Variants in TIRAP observed in about 807,000 individuals in gnomAD.
TIRAP encodes the protein toll/interleukin-1 receptor domain-containing adapter protein.
A neutral mutation model predicts 19.8 loss-of-function variants in TIRAP; 20 were observed. The ratio of observed to expected loss-of-function variants is 1.01; its 90% CI spans 0.71 to 1.47. The LOEUF is 1.47. TIRAP is among the 40% of genes most tolerant of loss of function. TIRAP has a pLI of 0.00. For synonymous variants in TIRAP, 125 were observed against 121.7 expected, an observed-to-expected ratio of 1.03 and a Z score of -0.18; for missense variants, 276 against 285.1, an observed-to-expected ratio of 0.97 and a Z score of 0.23.
chr11:126,284,097 C>T (rs1189908092), intron 1 of TIRAP, among the ~76,000 whole-genome samples: 2 of 132,914 alleles, frequency 1.5e-5, no homozygotes, highest in South Asian at 2.4e-4. Flanking sequence ...AGTGCAGTGG[C>T]GCAATCTCGG....
Position 126,291,076 on chromosome 11 carries a change from C to T in TIRAP, c.67+115C>T, listed in dbSNP as rs1373860205. The T allele has an allele frequency of 3.4e-5, 43 of 1,282,890 alleles. No homozygotes were observed. Among genetic ancestry groups the T allele is most frequent in the African/African-American group, 7.5e-5 (5 of 66,298 alleles). 79.5% of individuals were successfully genotyped at this position (1,282,890 alleles called of 1,614,324 possible). A position where few individuals can be genotyped will look rare whatever the true frequency, so the allele number is the denominator to read the frequency against. On this transcript the variant is annotated intron_variant, in intron 3 of 4. Coordinates refer to ENST00000392679, the MANE Select transcript of TIRAP (RefSeq NM_001318777.2). The surrounding 1 kb of genome is among the most constrained non-coding windows in gnomAD (Gnocchi z 5.6). ...ACTCAGAGAGACGCAGGAAGGCTGA[C>T]GTGGGGAACTCCTGACCTGAATTCA... is the stretch of plus-strand genomic sequence containing the variant.
At chr11:126,283,900 C>T (rs1951284920) in intron 1 of TIRAP, among the ~76,000 whole-genome samples, 1 of 152,172 alleles carries the variant, frequency 6.6e-6, no homozygotes. Flanking sequence ...ACAGCTCAAC[C>T]ATTTTCCACA....
chr11:126,285,243 G>GTGTGTGTGTGTATATATATA lies in TIRAP; in HGVS notation c.-217+2091_-217+2092insGTGTGTGTGTATATATATAT. Among the ~76,000 whole-genome samples, 787 of 106,940 alleles carry GTGTGTGTGTGTATATATATA rather than the reference G, an allele frequency of 7.4e-3. 5 individuals are homozygous for GTGTGTGTGTGTATATATATA. Among genetic ancestry groups the GTGTGTGTGTGTATATATATA allele is most frequent in the Admixed American group, 0.013 (129 of 10,046 alleles). 70.2% of individuals were successfully genotyped at this position (106,940 alleles called of 152,430 possible). A position where few individuals can be genotyped will look rare whatever the true frequency, so the allele number is the denominator to read the frequency against. On this transcript the variant is annotated intron_variant, in intron 1 of 4. Transcript: ENST00000392679. ...ATTTATTGGATATATGTGTGTGTGTGTATATATATATATATATAATATATA... is the reference window on the plus strand; with the variant it reads ...ATTTATTGGATATATGTGTGTGTGTGTGTGTGTGTGTATATATATATATATATATATATATATAATATATA...
Position 126,291,565 on chromosome 11 carries a change from A to G in TIRAP, c.67+604A>G, listed in dbSNP as rs751414995. The G allele has an allele frequency of 1.7e-5, 9 of 522,524 alleles. No individual in the cohort carries two copies. Among genetic ancestry groups the G allele is most frequent in the Non-Finnish European group, 2.8e-5 (8 of 287,692 alleles). The allele number at this position is 522,524 out of a possible 1,614,324, so 32.4% of individuals were successfully genotyped here. A position where few individuals can be genotyped will look rare whatever the true frequency, so the allele number is the denominator to read the frequency against. Reference sequence around the variant, plus strand: ...CAGTCAAAGCCGTGTCCCTGACTCCAGAGTGTGGGTTCTGAATCACGAAGC... The same window carrying G: ...CAGTCAAAGCCGTGTCCCTGACTCCGGAGTGTGGGTTCTGAATCACGAAGC... On this transcript the variant is annotated intron_variant, in intron 3 of 4. Coordinates refer to ENST00000392679, the MANE Select transcript of TIRAP (RefSeq NM_001318777.2). The surrounding 1 kb of genome is among the most constrained non-coding windows in gnomAD (Gnocchi z 5.6).
In TIRAP at chr11:126,293,720, A is replaced by G. The variant is rs752935097; in HGVS notation, c.*33A>G. ...TATATCATGGGACCCCGGAAATTGG[A>G]GTGAAGCTAGAAACAGAAAACCCAT... is the stretch of plus-strand genomic sequence containing the variant. On this transcript the variant is annotated 3_prime_UTR_variant, in exon 5 of 5. Transcript: ENST00000392679. The G allele has an allele frequency of 6.2e-7, 1 of 1,613,660 alleles. No homozygotes were observed. Among genetic ancestry groups the G allele is most frequent in the Non-Finnish European group, 8.5e-7 (1 of 1,179,578 alleles).
Position 126,290,890 on chromosome 11 carries a change from A to C in TIRAP, c.-5A>C. On this transcript the variant is annotated 5_prime_UTR_variant, in exon 3 of 5. Transcript: ENST00000392679. This position sits in a 1 kb window ranked among gnomAD's most constrained non-coding sequence, Gnocchi z 4.9. ...TCTCACGGGGCTAGTTTTGACCCCC[A>C]CGCTATGGCATCATCGACCTCCCTC... The C allele has an allele frequency of 6.2e-7, 1 of 1,602,932 alleles. No individual in the cohort carries two copies. Among genetic ancestry groups the C allele is most frequent in the South Asian group, 1.1e-5 (1 of 89,196 alleles).
chr11:126,293,050 T>C lies in TIRAP; in HGVS notation c.641T>C (p.Met214Thr), dbSNP rs148618551. ...GGFRQVKEAV[M>T]RYLQTLS The stretch of plus-strand genomic sequence containing the variant: ...TTTCGTCAAGTCAAAGAAGCTGTCA[T>C]GCGTTGTAAGCTACTACAGGAGGGA... Residue 214 changes from methionine (M) to threonine (T), a missense_variant, in exon 4 of 5, where the codon ATG becomes ACG. By Grantham distance (81) the Met-to-Thr change is moderately conservative. Transcript: ENST00000392679. 163 of 1,614,070 alleles carry C rather than the reference T, an allele frequency of 1.0e-4. No individual in the cohort carries two copies. Among genetic ancestry groups the C allele is most frequent in the Non-Finnish European group, 1.3e-4 (159 of 1,180,046 alleles).
intron 1 of TIRAP, among the ~76,000 whole-genome samples, chr11:126,284,262 G>A (rs1279439855): frequency 6.6e-6 from 1 of 152,066 alleles, no homozygotes; most frequent in African/African-American, 2.4e-5. Context: ...TCGAACTCCT[G>A]AACTCAGGTG....
Position 126,292,893 on chromosome 11 carries a change from C to G in TIRAP, c.484C>G (p.Leu162Val), listed in dbSNP as rs1951420601. Residue 162 changes from leucine (L) to valine (V), a missense_variant, in exon 4 of 5, where the codon CTG becomes GTG. Coordinates refer to ENST00000392679, the MANE Select transcript of TIRAP (RefSeq NM_001318777.2). ...LQDPWCKYQMLQALTEAPGAE... is the reference protein window; with the variant it reads ...LQDPWCKYQMVQALTEAPGAE... ...GGACCCCTGGTGCAAGTACCAGATG[C>G]TGCAGGCCCTGACCGAGGCTCCAGG... The G allele has an allele frequency of 6.2e-7, 1 of 1,613,636 alleles. No individual in the cohort carries two copies. The highest frequency in any genetic ancestry group is 8.5e-7 in the Non-Finnish European group (1 of 1,179,952).
chr11:126,293,051 G>A lies in TIRAP; in HGVS notation c.642G>A (p.Met214Ile). 1 of 1,614,160 alleles carries A rather than the reference G, an allele frequency of 6.2e-7. No individual in the cohort carries two copies. The highest frequency in any genetic ancestry group is 8.5e-7 in the Non-Finnish European group (1 of 1,180,034). ...TTCGTCAAGTCAAAGAAGCTGTCAT[G>A]CGTTGTAAGCTACTACAGGAGGGAG... ...GGFRQVKEAVMRYLQTLS is the reference protein window; with the variant it reads ...GGFRQVKEAVIRYLQTLS Residue 214 changes from methionine (M) to isoleucine (I), a missense_variant, in exon 4 of 5, where the codon ATG (methionine) becomes ATA (isoleucine). Met to Ile is a conservative substitution (Grantham distance 10). Coordinates refer to ENST00000392679, the MANE Select transcript of TIRAP (RefSeq NM_001318777.2).
chr11:126,290,977 C>T lies in TIRAP; in HGVS notation c.67+16C>T. 2 of 1,597,040 alleles carry T rather than the reference C, an allele frequency of 1.3e-6. No homozygotes were observed. Among genetic ancestry groups the T allele is most frequent in the Non-Finnish European group, 1.7e-6 (2 of 1,170,676 alleles). ...AAGATGGCTGGTGAGTGGAACCGGA[C>T]TCGCGACTCTGCTGTGTTCCTGAGT... On this transcript the variant is annotated intron_variant, in intron 3 of 4. Transcript: ENST00000392679. This position sits in a 1 kb window ranked among gnomAD's most constrained non-coding sequence, Gnocchi z 4.9.
At chr11:126,284,382 G>C (rs1174367546) in intron 1 of TIRAP, among the ~76,000 whole-genome samples, 1 of 152,088 alleles carries the variant, frequency 6.6e-6, no homozygotes, top group Non-Finnish European at 1.5e-5. Context: ...TATGTTTTGT[G>C]ATATTCACCC....
Position 126,294,228 on chromosome 11 carries a change from G to C in TIRAP, c.*541G>C, listed in dbSNP as rs1234145728. On this transcript the variant is annotated 3_prime_UTR_variant, in exon 5 of 5. Transcript: ENST00000392679. ...AATGGGCATCAGGAGAAAGCAACAAGAATCCAGTCCTTCACACTCACACTA... is the reference window on the plus strand; with the variant it reads ...AATGGGCATCAGGAGAAAGCAACAACAATCCAGTCCTTCACACTCACACTA... 2 of 258,224 alleles carry C rather than the reference G, an allele frequency of 7.7e-6. No individual in the cohort carries two copies. Among genetic ancestry groups the C allele is most frequent in the East Asian group, 2.0e-4 (2 of 10,060 alleles). 16.0% of individuals were successfully genotyped at this position (258,224 alleles called of 1,614,324 possible).
At chr11:126,292,301 C>CAAAAAAA (rs33948579) in intron 3 of TIRAP, among the ~76,000 whole-genome samples, 176 bp from the exon 4 acceptor site, 2 of 118,116 alleles carry the variant, frequency 1.7e-5, no homozygotes, top group African/African-American at 6.7e-5. Flanking sequence ...GACTCTGCCT[C>CAAAAAAA]AAAAAAAAAA....
At position 126,293,662 on chromosome 11, in the gene TIRAP, T is replaced by G. The variant is rs1246378923; in HGVS notation, c.647-6T>G. On this transcript the variant is annotated splice_region_variant and splice_polypyrimidine_tract_variant and intron_variant, in intron 4 of 4. Transcript: ENST00000392679. ...GTGTGACAACGCTGTGATTGGTCTCTTTCAGATCTGCAGACACTCAGTTGA... is the reference window on the plus strand; with the variant it reads ...GTGTGACAACGCTGTGATTGGTCTCGTTCAGATCTGCAGACACTCAGTTGA... The G allele has an allele frequency of 6.2e-7, 1 of 1,614,188 alleles. No individual in the cohort carries two copies. The highest frequency in any genetic ancestry group is 1.1e-5 in the South Asian group (1 of 91,074).
Position 126,290,956 on chromosome 11 carries a change from T to A in TIRAP, c.62T>A (p.Met21Lys), listed in dbSNP as rs370165397. 5.6e-6 allele frequency: 9 copies of A among 1,605,146 alleles called. No homozygotes were observed. The East Asian group carries it at 2.0e-4, about 36-fold the overall frequency. The part of the protein sequence containing the change: ...GSRPKKPLGK[M>K]ADWFRQTLLK... ...CGGCCTAAGAAGCCTCTAGGCAAGATGGCTGGTGAGTGGAACCGGACTCGC... is the reference window on the plus strand; with the variant it reads ...CGGCCTAAGAAGCCTCTAGGCAAGAAGGCTGGTGAGTGGAACCGGACTCGC... Residue 21 changes from methionine to lysine, a missense_variant, in exon 3 of 5, where the codon ATG becomes AAG. Met to Lys is a moderately conservative substitution (Grantham distance 95, BLOSUM62 -1). Transcript: ENST00000392679. The surrounding 1 kb of genome is among the most constrained non-coding windows in gnomAD (Gnocchi z 4.9).
intron 1 of TIRAP, among the ~76,000 whole-genome samples, chr11:126,285,311 C>G (rs1353387462): frequency 6.0e-5 from 9 of 150,156 alleles, no homozygotes; most frequent in Non-Finnish European, 1.0e-4. Context: ...ACCCAGGCTG[C>G]AGTGCAATGG....
At chr11:126,283,872 C>T (rs181704739) in intron 1 of TIRAP, among the ~76,000 whole-genome samples, 53 of 152,272 alleles carry the variant, frequency 3.5e-4, no homozygotes, top group Admixed American at 3.1e-3. Flanking sequence ...GATACGTAGG[C>T]ACACAAATCC....
At position 126,291,328 on chromosome 11, in the gene TIRAP, A is replaced by G. The variant is rs1361328740; in HGVS notation, c.67+367A>G. 7.1e-6 allele frequency: 5 copies of G among 706,396 alleles called. No individual in the cohort carries two copies. Among genetic ancestry groups the G allele is most frequent in the African/African-American group, 1.8e-5 (1 of 54,876 alleles). The allele number at this position is 706,396 out of a possible 1,614,324, so 43.8% of individuals were successfully genotyped here. ...AGAAAATGAATCAATCCCCACCACA[A>G]CTATCTGTCCTTATCAAAGGCTGGG... is the stretch of plus-strand genomic sequence containing the variant. On this transcript the variant is annotated intron_variant, in intron 3 of 4. Transcript: ENST00000392679. This position sits in a 1 kb window ranked among gnomAD's most constrained non-coding sequence, Gnocchi z 5.6.
Sources: allele counts gnomAD v4.1 joint callset (sites outside exome capture counted in the v4.1 genomes callset), GRCh38; gene constraint gnomAD v4.1.1; non-coding constraint Gnocchi (gnomAD v3.1); transcripts MANE v1.5; gene names NCBI Gene and HGNC (gene_info 2026-07-23, HGNC 2026-07-21).